The following CTNNA2 variants were observed in gnomAD, a reference collection of about 807,000 sequenced individuals.
CTNNA2 encodes the protein catenin alpha-2.
CTNNA2 carries 42 observed loss-of-function variants against 101.0 expected under a neutral mutation model. The observed-to-expected ratio is 0.42, with a 90% CI of 0.32 to 0.54. The LOEUF (loss-of-function observed/expected upper bound fraction) is 0.54, where lower values mean the gene tolerates loss of function less well. Ranked by LOEUF, CTNNA2 falls within the 20% of genes least tolerant of loss-of-function variation. CTNNA2 has a pLI of 0.14. For missense variants in CTNNA2, 871 were observed against 1,223.1 expected, an observed-to-expected ratio of 0.71 and a Z score of 4.29; for synonymous variants, 450 against 456.4, an observed-to-expected ratio of 0.99 and a Z score of 0.18.
At chr2:80,490,258 AT>A (rs199753486) in intron 9 of CTNNA2, among the ~76,000 whole-genome samples, 1,968 of 128,368 alleles carry the variant, frequency 0.015, 19 homozygotes, top group Middle Eastern at 0.033. Context: ...CAGAGTTGGC[AT>A]TTTTTTTTCC....
intron 7 of CTNNA2, among the ~76,000 whole-genome samples, chr2:80,021,658 T>G (rs1343061827): frequency 8.5e-5 from 13 of 152,206 alleles, no homozygotes. Flanking sequence ...TTGATAGATG[T>G]GTACATTATG....
chr2:79,700,526 G>A (rs1684934534), intron 2 of CTNNA2, among the ~76,000 whole-genome samples: 1 of 151,980 alleles, frequency 6.6e-6, no homozygotes, highest in Non-Finnish European at 1.5e-5. Flanking sequence ...GGGATCAAGG[G>A]GCCTAAAGAC....
intron 7 of CTNNA2, among the ~76,000 whole-genome samples, chr2:80,117,138 A>G (rs1386188827): frequency 1.3e-5 from 2 of 152,142 alleles, no homozygotes; most frequent in Non-Finnish European, 2.9e-5. Flanking sequence ...CCTAATCTGT[A>G]AGAGTCTGTA....
intron 2 of CTNNA2, among the ~76,000 whole-genome samples, chr2:79,222,105 C>T (rs1321568256): frequency 6.6e-6 from 1 of 152,048 alleles, no homozygotes; most frequent in East Asian, 1.9e-4. Context: ...CAGAGAGCCC[C>T]GTAATTGGGA....
chr2:79,489,133 C>G (rs1379646547), intron 4 of CTNNA2, among the ~76,000 whole-genome samples: 1 of 152,112 alleles, frequency 6.6e-6, no homozygotes, highest in Non-Finnish European at 1.5e-5. Flanking sequence ...TTCTCTTAAA[C>G]ATAATCATGT....
At chr2:79,274,860 T>C (rs1340391955) in intron 2 of CTNNA2, among the ~76,000 whole-genome samples, 1 of 152,058 alleles carries the variant, frequency 6.6e-6, no homozygotes, top group African/African-American at 2.4e-5. Context: ...AAATGGATTG[T>C]GAAATAGATC....
intron 1 of CTNNA2, chr2:79,524,539 A>C (rs973792479): frequency 6.0e-5 from 9 of 150,810 alleles, no homozygotes; most frequent in Non-Finnish European, 1.3e-4. Context: ...ACACAAACAC[A>C]CACACACATA....
At chr2:79,678,931 T>C (rs577338730) in intron 2 of CTNNA2, among the ~76,000 whole-genome samples, 1 of 152,316 alleles carries the variant, frequency 6.6e-6, no homozygotes, top group Admixed American at 6.5e-5. Context: ...ACTTTCTGCA[T>C]CTATAATGGA....
At chr2:80,299,721 G>A (rs1219836040) in intron 7 of CTNNA2, 1 of 152,202 alleles carries the variant, frequency 6.6e-6, no homozygotes, top group Non-Finnish European at 1.5e-5. Flanking sequence ...AGATAAAAAT[G>A]TCTTGGGGAT....
chr2:80,313,089 A>T lies in CTNNA2; in HGVS notation c.1057-80122A>T, dbSNP rs139693217. Among the ~76,000 whole-genome samples, 982 of 152,332 alleles carry T rather than the reference A, an allele frequency of 6.4e-3. 13 individuals carry two copies. The highest frequency in any genetic ancestry group is 0.021 in the African/African-American group (893 of 41,576). The stretch of plus-strand genomic sequence containing the variant: ...ACATATAGACACAAGCCATTAGCCC[A>T]GCAAAGCCAAAACTCTTGAGTTGAA... On this transcript the variant is annotated intron_variant, in intron 7 of 18. Coordinates refer to ENST00000402739, the MANE Select transcript of CTNNA2 (RefSeq NM_001282597.3).
chr2:79,248,653 T>G (rs1350769487), intron 2 of CTNNA2, among the ~76,000 whole-genome samples: 1 of 152,164 alleles, frequency 6.6e-6, no homozygotes, highest in East Asian at 1.9e-4. Context: ...CTTGCCAGTC[T>G]TCACTAGCCT....
chr2:80,389,362 C>A (rs1677294450), intron 7 of CTNNA2, among the ~76,000 whole-genome samples: 1 of 152,078 alleles, frequency 6.6e-6, no homozygotes, highest in Non-Finnish European at 1.5e-5. Context: ...AGTCAAGGAT[C>A]ATGGAGGCTA....
At chr2:79,572,291 T>C (rs949987634) in intron 1 of CTNNA2, among the ~76,000 whole-genome samples, 3 of 152,198 alleles carry the variant, frequency 2.0e-5, no homozygotes, top group Admixed American at 2.0e-4. Flanking sequence ...ATTTTCGTTT[T>C]ATACTGAACT....
At chr2:79,867,633 T>A (rs1682240889) in intron 4 of CTNNA2, among the ~76,000 whole-genome samples, 1 of 152,334 alleles carries the variant, frequency 6.6e-6, no homozygotes, top group South Asian at 2.1e-4. Flanking sequence ...AAAAATATTT[T>A]ATTGAATTAT....
At chr2:79,192,313 A>G (rs1463857148) in intron 1 of CTNNA2, among the ~76,000 whole-genome samples, 2 of 152,154 alleles carry the variant, frequency 1.3e-5, no homozygotes, top group Non-Finnish European at 2.9e-5. Flanking sequence ...TGCATATTGT[A>G]CTCTTACAGC....
intron 11 of CTNNA2, among the ~76,000 whole-genome samples, chr2:80,547,690 C>CTTTT (rs61186189): frequency 4.0e-5 from 5 of 124,312 alleles, no homozygotes; most frequent in African/African-American, 1.0e-4. Context: ...GTCACTTCTG[C>CTTTT]TTTTTTTTTT....
intron 2 of CTNNA2, among the ~76,000 whole-genome samples, chr2:79,219,154 CATT>C (rs1170376685): frequency 6.6e-6 from 1 of 152,118 alleles, no homozygotes; most frequent in Non-Finnish European, 1.5e-5. Context: ...TCTAAGAAAA[CATT>C]ATTCTTAATG....
rs79422716 is a variant in CTNNA2 at position 79,347,673 on chromosome 2, G to T, written c.-317-26158G>T. ...TGTACATACTGACTGGCCTCAGGTC[G>T]CATGGCTTTTAAATGCCATAATGAG... is the stretch of plus-strand genomic sequence containing the variant. On this transcript the variant is annotated intron_variant, in intron 3 of 21. Coordinates refer to the CTNNA2 transcript ENST00000466387. 2.3e-3 allele frequency among the ~76,000 whole-genome samples: 355 copies of T among 151,938 alleles called. 1 individual carries two copies. Among genetic ancestry groups the T allele is most frequent in the African/African-American group, 8.1e-3 (337 of 41,418 alleles).
chr2:79,812,802 C>A (rs1245455752), intron 3 of CTNNA2, among the ~76,000 whole-genome samples: 3 of 152,148 alleles, frequency 2.0e-5, no homozygotes, highest in Non-Finnish European at 1.5e-5. Context: ...TAGACCTCAG[C>A]TGTAAGCCCT....
Sources: allele counts gnomAD v4.1 joint callset (sites outside exome capture counted in the v4.1 genomes callset), GRCh38; gene constraint gnomAD v4.1.1; transcripts MANE v1.5; gene names NCBI Gene and HGNC (gene_info 2026-07-23, HGNC 2026-07-21).